Variants in SLCO5A1 observed in about 807,000 individuals in gnomAD.
SLCO5A1 encodes solute carrier organic anion transporter family member 5A1.
In SLCO5A1, 39 loss-of-function variants were observed where a neutral mutation model predicts 65.1. That is an observed-to-expected ratio of 0.60 (90% confidence interval 0.46 to 0.78). The LOEUF is 0.78. Ranked by LOEUF, SLCO5A1 falls within the 30% of genes least tolerant of loss-of-function variation. The pLI is 0.00. For missense variants in SLCO5A1, 1,029 were observed against 1,069.4 expected (o/e 0.96, Z 0.53); for synonymous variants, 438 against 415.7 (o/e 1.05, Z -0.65).
intron 5 of SLCO5A1, among the ~76,000 whole-genome samples, chr8:69,707,238 T>G (rs1386546386): frequency 6.6e-6 from 1 of 151,924 alleles, no homozygotes; most frequent in African/African-American, 2.4e-5. Context: ...TTAATAGAAA[T>G]TAGAATACAA....
rs141889625 is a variant in SLCO5A1 at position 69,805,838 on chromosome 8, T to C, written c.907+25929A>G. Among the ~76,000 whole-genome samples, 356 of 152,230 alleles carry C rather than the reference T, an allele frequency of 2.3e-3. 3 individuals are homozygous for C. The highest frequency in any genetic ancestry group is 3.9e-3 in the Non-Finnish European group (267 of 68,004). On this transcript the variant is annotated intron_variant, in intron 2 of 9. Coordinates refer to ENST00000260126, the MANE Select transcript of SLCO5A1 (RefSeq NM_030958.3). ...GGCTCAGGGTCCTAGATCACAGAAG[T>C]TTCCAAATCGTGAAGGTGGTGTAAG... is the stretch of plus-strand genomic sequence containing the variant.
At chr8:69,673,607 A>G (rs992931309) in intron 9 of SLCO5A1, among the ~76,000 whole-genome samples, 2 of 152,136 alleles carry the variant, frequency 1.3e-5, no homozygotes, top group African/African-American at 2.4e-5. Context: ...AATATATACA[A>G]TTGTATTTGT....
intron 6 of SLCO5A1, among the ~76,000 whole-genome samples, chr8:69,690,119 G>A (rs1026328236): frequency 5.9e-5 from 9 of 152,248 alleles, no homozygotes; most frequent in African/African-American, 2.2e-4. Flanking sequence ...CCAGACTAGA[G>A]TCAAGCTCAA....
intron 2 of SLCO5A1, among the ~76,000 whole-genome samples, chr8:69,790,000 C>T (rs1455422328): frequency 6.6e-6 from 1 of 151,734 alleles, no homozygotes; most frequent in Non-Finnish European, 1.5e-5. Flanking sequence ...TGAGACCAGC[C>T]TGGCCAATAT....
chr8:69,779,301 C>A (rs1023595153), intron 2 of SLCO5A1, among the ~76,000 whole-genome samples: 1 of 151,964 alleles, frequency 6.6e-6, no homozygotes, highest in Non-Finnish European at 1.5e-5. Context: ...TTTATTTAGA[C>A]GCATATCTGA....
In SLCO5A1 at chr8:69,776,816, A is replaced by T. The variant is rs527311400; in HGVS notation, c.908-14941T>A. ...AATAAGCACATGAAAGATATTCGGC[A>T]TCATTAGTCATCAGTAAAGTGCAAA... On this transcript the variant is annotated intron_variant, in intron 2 of 9. Coordinates refer to ENST00000260126, the MANE Select transcript of SLCO5A1 (RefSeq NM_030958.3). Among the ~76,000 whole-genome samples, 11 of 152,392 alleles carry T rather than the reference A, an allele frequency of 7.2e-5. No homozygotes were observed. The East Asian group carries it at 1.7e-3, about 24-fold the overall frequency.
chr8:69,705,081 A>T lies in SLCO5A1; in HGVS notation c.1572T>A (p.Val524=). 6.2e-7 allele frequency: 1 copy of T among 1,614,036 alleles called. No individual in the cohort carries two copies. The highest frequency in any genetic ancestry group is 8.5e-7 in the Non-Finnish European group (1 of 1,180,044). Residue 524 remains valine, a synonymous_variant, in exon 6 of 10, where the codon GTT becomes GTA. Transcript: ENST00000260126. ...SLLCFSTLFI[V]GCESINLGGI... ...CCCCTAGATTAATGCTTTCACATCC[A>T]ACAATAAATAGGGTTGAAAAACATA...
rs1346996762 is a variant in SLCO5A1, at chr8:69,791,775, TA to T, written c.908-29901del. ...ACTAACTGAAGCATTATTTCATTTT[TA>T]AAATCCTATACCCAAGAATTTAAAG... On this transcript the variant is annotated intron_variant, in intron 2 of 9. Coordinates refer to ENST00000260126, the MANE Select transcript of SLCO5A1 (RefSeq NM_030958.3). Among the ~76,000 whole-genome samples the T allele has an allele frequency of 2.0e-5, 3 of 152,342 alleles. No homozygotes were observed. In the East Asian group the frequency reaches 5.8e-4, roughly 29 times the overall value.
At chr8:69,824,375 G>A (rs914625210) in intron 2 of SLCO5A1, among the ~76,000 whole-genome samples, 27 of 152,040 alleles carry the variant, frequency 1.8e-4, no homozygotes, top group South Asian at 2.1e-4. Context: ...TTGATAGACC[G>A]CTAGCAAGAC....
chr8:69,771,822 C>T (rs1308286546), intron 2 of SLCO5A1, among the ~76,000 whole-genome samples: 2 of 152,204 alleles, frequency 1.3e-5, no homozygotes, highest in African/African-American at 4.8e-5. Flanking sequence ...TTAGCTGGAA[C>T]CCATGCTTGC....
chr8:69,819,333 G>A (rs970609670), intron 2 of SLCO5A1, among the ~76,000 whole-genome samples: 4 of 151,016 alleles, frequency 2.6e-5, no homozygotes, highest in Admixed American at 1.3e-4. Context: ...AGACACCACC[G>A]CCACCCCCTA....
chr8:69,797,797 C>T (rs1182656472), intron 2 of SLCO5A1, among the ~76,000 whole-genome samples: 2 of 152,202 alleles, frequency 1.3e-5, no homozygotes, highest in Non-Finnish European at 2.9e-5. Flanking sequence ...AATGACAATG[C>T]GTGCCCAAAA....
At chr8:69,786,819 A>C (rs1819058214) in intron 2 of SLCO5A1, among the ~76,000 whole-genome samples, 1 of 152,246 alleles carries the variant, frequency 6.6e-6, no homozygotes, top group Admixed American at 6.5e-5. Flanking sequence ...GAAAGCTCTA[A>C]ATTAATGAAT....
Position 69,673,207 on chromosome 8 carries a change from C to T in SLCO5A1, c.2209G>A (p.Val737Met), listed in dbSNP as rs1813405791. ...AGGCCGGCAGCCAAACCAAAATACA[C>T]AAAACGAAACGACGTCACGTTGTAC... ...WEYNVTSFRF[V>M]YFGLAAGLKF... Residue 737 changes from valine (V) to methionine (M), a missense_variant, in exon 10 of 10, where the codon GTG becomes ATG. Transcript: ENST00000260126. 1 of 1,614,174 alleles carries T rather than the reference C, an allele frequency of 6.2e-7. No homozygotes were observed. The highest frequency in any genetic ancestry group is 8.5e-7 in the Non-Finnish European group (1 of 1,180,036).
At chr8:69,830,268 C>G (rs374352683) in intron 2 of SLCO5A1, among the ~76,000 whole-genome samples, 4 of 152,110 alleles carry the variant, frequency 2.6e-5, no homozygotes. Flanking sequence ...TCATTTACAC[C>G]GTCCTTTGAA....
chr8:69,714,119 C>T (rs1352985859), intron 5 of SLCO5A1, among the ~76,000 whole-genome samples: 1 of 152,190 alleles, frequency 6.6e-6, no homozygotes, highest in African/African-American at 2.4e-5. Context: ...ATCTCTTTCT[C>T]TTTCATATAT....
chr8:69,727,178 G>A (rs189830760), intron 5 of SLCO5A1, among the ~76,000 whole-genome samples: 7 of 152,258 alleles, frequency 4.6e-5, no homozygotes, highest in African/African-American at 1.4e-4. Context: ...CAGGCCCATA[G>A]CAAAAGCTTT....
chr8:69,832,466 G>A lies in SLCO5A1; in HGVS notation c.208C>T (p.Gln70Ter), dbSNP rs1435932318. 6.2e-7 allele frequency: 1 copy of A among 1,612,866 alleles called. No homozygotes were observed. Among genetic ancestry groups the A allele is most frequent in the Non-Finnish European group, 8.5e-7 (1 of 1,179,614 alleles). ...GGGTTCGGGCCTTGCTTCAACTCCT[G>A]GTGGCCCGAAGAATCCACACAGCCA... is the stretch of plus-strand genomic sequence containing the variant. ...AFGCVDSSGH[Q>*]ELKQGPNPLA... Residue 70 changes from glutamine to a stop codon, truncating the protein, a stop_gained, in exon 2 of 10, where the codon CAG becomes TAG. Transcript: ENST00000260126. LOFTEE classifies it high-confidence loss of function. This position sits in a 1 kb window ranked among gnomAD's most constrained non-coding sequence, Gnocchi z 4.5.
chr8:69,721,568 A>T (rs960615046), intron 5 of SLCO5A1, among the ~76,000 whole-genome samples: 4 of 152,192 alleles, frequency 2.6e-5, no homozygotes, highest in Non-Finnish European at 5.9e-5. Context: ...TCCCATAAAC[A>T]TACACTTAAA....
Sources: allele counts gnomAD v4.1 joint callset (sites outside exome capture counted in the v4.1 genomes callset), GRCh38; gene constraint gnomAD v4.1.1; non-coding constraint Gnocchi (gnomAD v3.1); transcripts MANE v1.5; gene names NCBI Gene and HGNC (gene_info 2026-07-23, HGNC 2026-07-21).